Variants in DRGX observed in about 807,000 individuals in gnomAD.
The protein encoded by DRGX is dorsal root ganglia homeobox protein.
In DRGX, 21 loss-of-function variants were observed where a neutral mutation model predicts 28.6. The observed-to-expected ratio is 0.73, with a 90% CI of 0.52 to 1.06. The LOEUF is 1.06. Ranked by LOEUF, DRGX falls within the 50% of genes least tolerant of loss-of-function variation. The pLI, the probability that DRGX is intolerant of heterozygous loss-of-function variation, is 0.00. For missense variants in DRGX, 354 were observed against 343.9 expected, an observed-to-expected ratio of 1.03 and a Z score of -0.23; for synonymous variants, 136 against 139.1, an observed-to-expected ratio of 0.98 and a Z score of 0.16.
At chr10:49,380,236 T>C (rs1003857550) in intron 6 of DRGX, among the ~76,000 whole-genome samples, 1 of 152,182 alleles carries the variant, frequency 6.6e-6, no homozygotes, top group Admixed American at 6.5e-5. Context: ...TGTAATTATG[T>C]CCCACCTCAC....
At chr10:49,380,963 C>T (rs548492059) in intron 6 of DRGX, among the ~76,000 whole-genome samples, 1 of 152,280 alleles carries the variant, frequency 6.6e-6, no homozygotes, top group Non-Finnish European at 1.5e-5. Context: ...CTCATTCAGT[C>T]TTATGAATTC....
intron 6 of DRGX, among the ~76,000 whole-genome samples, chr10:49,366,986 T>A (rs563026843): frequency 6.6e-6 from 1 of 152,178 alleles, no homozygotes; most frequent in Non-Finnish European, 1.5e-5. Flanking sequence ...TGGAGTCTAA[T>A]AGGATTCCAA....
intron 5 of DRGX, 38 bp from the exon 6 acceptor site, chr10:49,386,628 G>C: frequency 6.3e-7 from 1 of 1,589,392 alleles, no homozygotes; most frequent in East Asian, 2.2e-5. Flanking sequence ...GTCTCGCCCT[G>C]TGTCTGCAGT....
intron 6 of DRGX, among the ~76,000 whole-genome samples, chr10:49,375,131 C>T (rs1228233668): frequency 1.3e-5 from 2 of 152,206 alleles, no homozygotes; most frequent in Non-Finnish European, 2.9e-5. Flanking sequence ...GCCAAATTCA[C>T]TCCTGGACAC....
rs2132485380 is a variant in DRGX at position 49,389,771 on chromosome 10, A to T, written c.234+362T>A. On this transcript the variant is annotated intron_variant, in intron 4 of 6. Coordinates refer to ENST00000374139, the MANE Select transcript of DRGX (RefSeq NM_001276451.2). ...CTGAAAACGCGGTTCTCTGCAATTG[A>T]CCAGCCTTACCCCAGAGCGGTCAGA... Among the ~76,000 whole-genome samples, 2 of 151,978 alleles carry T rather than the reference A, an allele frequency of 1.3e-5. 1 individual carries two copies. Among genetic ancestry groups the T allele is most frequent in the South Asian group, 4.2e-4 (2 of 4,808 alleles).
intron 6 of DRGX, among the ~76,000 whole-genome samples, chr10:49,377,523 A>G (rs1051160691): frequency 6.6e-6 from 1 of 152,166 alleles, no homozygotes; most frequent in Non-Finnish European, 1.5e-5. Context: ...CAGCAGTGAC[A>G]CTGTACCCAT....
At chr10:49,386,426 T>G in intron 6 of DRGX, 52 bp downstream of exon 6, 1 of 1,446,770 alleles carries the variant, frequency 6.9e-7, no homozygotes, top group South Asian at 1.4e-5. Flanking sequence ...TCACACAAAC[T>G]CCACCAACCC....
At chr10:49,369,639 C>A (rs111942054) in intron 6 of DRGX, among the ~76,000 whole-genome samples, 1 of 152,040 alleles carries the variant, frequency 6.6e-6, no homozygotes, top group Non-Finnish European at 1.5e-5. Flanking sequence ...TTCGGTTTTG[C>A]AAGATGAAGA....
intron 6 of DRGX, among the ~76,000 whole-genome samples, chr10:49,373,732 G>T (rs966823712): frequency 1.6e-4 from 24 of 152,124 alleles, no homozygotes; most frequent in Admixed American, 6.5e-5. Context: ...AATTTCCATT[G>T]TTTATAAGTC....
chr10:49,372,657 C>A (rs1016390891), intron 6 of DRGX, among the ~76,000 whole-genome samples: 1 of 152,234 alleles, frequency 6.6e-6, no homozygotes, highest in Non-Finnish European at 1.5e-5. Flanking sequence ...CCCGAGTATT[C>A]CCCAGAGGAC....
intron 4 of DRGX, among the ~76,000 whole-genome samples, chr10:49,389,277 T>G (rs1195068658): frequency 6.6e-6 from 1 of 152,148 alleles, no homozygotes; most frequent in Non-Finnish European, 1.5e-5. Context: ...AGCCATTGGT[T>G]TTTAAGAGAT....
intron 6 of DRGX, among the ~76,000 whole-genome samples, chr10:49,382,013 C>G (rs1342867459): frequency 3.9e-5 from 6 of 152,050 alleles, no homozygotes; most frequent in Non-Finnish European, 7.4e-5. Flanking sequence ...GAAGGGGCCC[C>G]AGGGCTCAGC....
At chr10:49,382,020 C>T (rs1301322530) in intron 6 of DRGX, among the ~76,000 whole-genome samples, 2 of 152,094 alleles carry the variant, frequency 1.3e-5, no homozygotes, top group Non-Finnish European at 2.9e-5. Context: ...CCCCAGGGCT[C>T]AGCCCACATT....
chr10:49,376,754 G>A (rs1249585772), intron 6 of DRGX, among the ~76,000 whole-genome samples: 4 of 152,146 alleles, frequency 2.6e-5, no homozygotes, highest in East Asian at 3.9e-4. Flanking sequence ...GCTCCTTCCC[G>A]GTGTTCATGT....
At chr10:49,389,038 G>T (rs922909220) in intron 4 of DRGX, among the ~76,000 whole-genome samples, 1 of 152,086 alleles carries the variant, frequency 6.6e-6, no homozygotes, top group Non-Finnish European at 1.5e-5. Flanking sequence ...TCAATTTGCA[G>T]TTCAGTCTTT....
intron 6 of DRGX, among the ~76,000 whole-genome samples, chr10:49,376,313 C>G (rs1156345145): frequency 6.6e-6 from 1 of 152,222 alleles, no homozygotes; most frequent in Non-Finnish European, 1.5e-5. Context: ...GACCCAGCCA[C>G]TTTCCCCATG....
intron 6 of DRGX, among the ~76,000 whole-genome samples, chr10:49,372,702 T>A (rs57016508): frequency 0.035 from 5,347 of 152,306 alleles, 261 homozygotes; most frequent in African/African-American, 0.11. Context: ...ACAGTACTCA[T>A]GCACACACAC....
At chr10:49,378,136 C>T (rs888932980) in intron 6 of DRGX, among the ~76,000 whole-genome samples, 1 of 151,920 alleles carries the variant, frequency 6.6e-6, no homozygotes, top group Non-Finnish European at 1.5e-5. Context: ...TCAACAGTTA[C>T]AGAAGAAGTG....
intron 6 of DRGX, 93 bp from the exon 7 acceptor site, chr10:49,366,474 A>G: frequency 6.7e-7 from 1 of 1,491,578 alleles, no homozygotes; most frequent in Non-Finnish European, 9.0e-7. Context: ...TGAAGGACAG[A>G]AAGATTGATT....
Sources: gnomAD v4.1 joint callset for allele counts (sites outside exome capture counted in the v4.1 genomes callset) on GRCh38, gnomAD v4.1.1 for gene constraint, MANE v1.5 for transcripts, NCBI Gene and HGNC (gene_info 2026-07-23, HGNC 2026-07-21) for gene names.